PPFIBP2: variants seen among roughly 807,000 people sequenced by gnomAD.
PPFIBP2 encodes the protein PPFIB scaffold protein 2.
In PPFIBP2, 118 loss-of-function variants were observed where a neutral mutation model predicts 118.3. The ratio of observed to expected loss-of-function variants is 1.00; its 90% CI spans 0.86 to 1.16. PPFIBP2 has a LOEUF of 1.16. Ranked by LOEUF, PPFIBP2 falls within the 50% of genes most tolerant of loss-of-function variation. The pLI, the probability that PPFIBP2 is intolerant of heterozygous loss-of-function variation, is 0.00. For missense variants in PPFIBP2, 1,195 were observed against 1,073.1 expected (o/e 1.11, Z -1.59); for synonymous variants, 414 against 397.4 (o/e 1.04, Z -0.50).
intron 4 of PPFIBP2, among the ~76,000 whole-genome samples, chr11:7,596,042 G>T (rs775545842): frequency 6.6e-6 from 1 of 151,982 alleles, no homozygotes; most frequent in African/African-American, 2.4e-5. Flanking sequence ...CCCTTCATTT[G>T]TAATACTTAG....
chr11:7,527,820 A>T (rs763820043), intron 1 of PPFIBP2, among the ~76,000 whole-genome samples: 6 of 152,112 alleles, frequency 3.9e-5, no homozygotes, highest in Non-Finnish European at 7.4e-5. Flanking sequence ...CCTGTGGAAA[A>T]CAACTGGCGG....
intron 5 of PPFIBP2, among the ~76,000 whole-genome samples, chr11:7,610,038 G>T (rs183370525): frequency 1.2e-4 from 18 of 152,264 alleles, no homozygotes; most frequent in Non-Finnish European, 1.6e-4. Context: ...GTCTCTATGG[G>T]CAAACACATT....
downstream of PPFIBP2, chr11:7,653,763 A>G: frequency 8.3e-7 from 1 of 1,204,712 alleles, no homozygotes; most frequent in Non-Finnish European, 1.1e-6. Flanking sequence ...GAAAGCAAGC[A>G]GCTCACCATA....
intron 6 of PPFIBP2, among the ~76,000 whole-genome samples, chr11:7,610,962 G>C (rs1417369729): frequency 2.0e-5 from 3 of 152,176 alleles, no homozygotes; most frequent in Non-Finnish European, 4.4e-5. Context: ...GTATGCCATT[G>C]GCTGGAACAT....
chr11:7,514,790 TC>T (rs1433868455), intron 1 of PPFIBP2, among the ~76,000 whole-genome samples: 1 of 152,228 alleles, frequency 6.6e-6, no homozygotes, highest in Non-Finnish European at 1.5e-5. Flanking sequence ...GAACAGAACT[TC>T]CAGCGTTTGG....
At chr11:7,654,340 CT>C (rs1854486404), downstream of PPFIBP2, among the ~76,000 whole-genome samples, 1 of 152,204 alleles carries the variant, frequency 6.6e-6, no homozygotes, top group Non-Finnish European at 1.5e-5. Context: ...GTCTGGACTC[CT>C]GGTCAGAAGA....
chr11:7,575,003 T>A (rs1856110832), intron 3 of PPFIBP2, among the ~76,000 whole-genome samples: 1 of 152,104 alleles, frequency 6.6e-6, no homozygotes, highest in Admixed American at 6.6e-5. Context: ...TTCTCTCCCC[T>A]ACCCTGCACC....
chr11:7,567,109 C>T (rs1476149649), intron 3 of PPFIBP2, among the ~76,000 whole-genome samples: 2 of 152,200 alleles, frequency 1.3e-5, no homozygotes, highest in African/African-American at 4.8e-5. Flanking sequence ...TTGACTCTAT[C>T]AGTCTTTCCT....
intron 2 of PPFIBP2, among the ~76,000 whole-genome samples, chr11:7,564,872 A>G (rs1211795000): frequency 6.6e-6 from 1 of 152,224 alleles, no homozygotes; most frequent in African/African-American, 2.4e-5. Flanking sequence ...GCTGGTACAG[A>G]GTCACTTCCA....
At chr11:7,657,530 T>C (rs1366912104), downstream of PPFIBP2, among the ~76,000 whole-genome samples, 1 of 152,180 alleles carries the variant, frequency 6.6e-6, no homozygotes, top group Non-Finnish European at 1.5e-5. Context: ...TAATGTCTGA[T>C]TAAATAGCTC....
At position 7,648,858 on chromosome 11, in the gene PPFIBP2, T is replaced by C; in HGVS notation, c.1856T>C (p.Ile619Thr). The change falls in exon 19 of 24, where the codon ATC becomes ACC. Residue 619 changes from isoleucine to threonine, a missense_variant. Ile to Thr is a moderately conservative substitution (Grantham distance 89). Coordinates refer to ENST00000299492, the MANE Select transcript of PPFIBP2 (RefSeq NM_003621.5). The stretch of plus-strand genomic sequence containing the variant: ...AAGCTTGTTTTAGCAGTGAAAGCCA[T>C]CAACACCAAACAGGAGGAGAAGTCT... ...RKKLVLAVKA[I>T]NTKQEEKSAL... 6.2e-7 allele frequency: 1 copy of C among 1,614,146 alleles called. No homozygotes were observed. Among genetic ancestry groups the C allele is most frequent in the South Asian group, 1.1e-5 (1 of 91,076 alleles).
intron 1 of PPFIBP2, chr11:7,539,134 C>T (rs547982130): frequency 6.6e-6 from 1 of 152,410 alleles, no homozygotes; most frequent in East Asian, 1.9e-4. Context: ...CAAAACAAAG[C>T]TCTGCCTCTT....
intron 7 of PPFIBP2, among the ~76,000 whole-genome samples, chr11:7,622,871 A>G (rs147813713): frequency 1.4e-3 from 219 of 152,310 alleles, no homozygotes; most frequent in Middle Eastern, 6.8e-3. Flanking sequence ...ATAAAACCAA[A>G]TAACACTTTT....
rs952219904 is a variant in PPFIBP2, at chr11:7,648,584, C to A, written c.1797+47C>A. ...AGGAGGCTCCCATTTCTCCCCAAAG[C>A]ATGGGGAGGCCAGGGTCCGCCACTC... On this transcript the variant is annotated intron_variant, in intron 18 of 23. Transcript: ENST00000299492. 7 of 1,603,082 alleles carry A rather than the reference C, an allele frequency of 4.4e-6. No homozygotes were observed. In the Admixed American group the frequency reaches 8.4e-5, roughly 19 times the overall value.
chr11:7,514,531 T>G (rs1467946446), intron 1 of PPFIBP2, among the ~76,000 whole-genome samples: 1 of 152,212 alleles, frequency 6.6e-6, no homozygotes, highest in Non-Finnish European at 1.5e-5. Flanking sequence ...GCGGAAGCTT[T>G]AGGTCTGTCA....
chr11:7,555,193 C>T (rs1338877965), intron 2 of PPFIBP2, among the ~76,000 whole-genome samples: 1 of 152,110 alleles, frequency 6.6e-6, no homozygotes. Flanking sequence ...CAGAGAGCCA[C>T]GTGGTCAGGA....
intron 2 of PPFIBP2, among the ~76,000 whole-genome samples, chr11:7,550,845 A>G (rs900311016): frequency 2.0e-5 from 3 of 152,166 alleles, no homozygotes; most frequent in African/African-American, 7.2e-5. Flanking sequence ...TGAAAAGTCT[A>G]GACTAGCTTA....
chr11:7,535,818 A>G (rs893638218), intron 1 of PPFIBP2, among the ~76,000 whole-genome samples: 1 of 152,140 alleles, frequency 6.6e-6, no homozygotes, highest in Admixed American at 6.5e-5. Flanking sequence ...AGTGGAAAGG[A>G]TGAGATGGAG....
In PPFIBP2 at chr11:7,653,493, C is replaced by A; in HGVS notation, c.*275C>A. On this transcript the variant is annotated 3_prime_UTR_variant, in exon 24 of 24. Transcript: ENST00000299492. ...TACATGTCTAGTAATTCTTGATGTT[C>A]ATCTTCAGCACCAGTGGAAACACAT... is the stretch of plus-strand genomic sequence containing the variant. 1 of 1,410,550 alleles carries A rather than the reference C, an allele frequency of 7.1e-7. No homozygotes were observed. Among genetic ancestry groups the A allele is most frequent in the South Asian group, 1.2e-5 (1 of 81,972 alleles). The allele number at this position is 1,410,550 out of a possible 1,614,324, so 87.4% of individuals were successfully genotyped here.
Sources: gnomAD v4.1 joint callset for allele counts (sites outside exome capture counted in the v4.1 genomes callset) on GRCh38, gnomAD v4.1.1 for gene constraint, MANE v1.5 for transcripts, NCBI Gene and HGNC (gene_info 2026-07-23, HGNC 2026-07-21) for gene names.